The following MROH7 variants were observed in gnomAD, a reference collection of about 807,000 sequenced individuals.
MROH7 encodes the protein maestro heat like repeat family member 7.
MROH7 carries 113 observed loss-of-function variants against 129.2 expected under a neutral mutation model. The observed-to-expected ratio is 0.87, with a 90% CI of 0.75 to 1.02. The LOEUF (loss-of-function observed/expected upper bound fraction) is 1.02. Among genes scored for constraint, MROH7 ranks in the 50% least tolerant of loss-of-function variants. The pLI, the probability that MROH7 is intolerant of heterozygous loss-of-function variation, is 0.00. For synonymous variants in MROH7, 655 were observed against 667.9 expected, an observed-to-expected ratio of 0.98 and a Z score of 0.30; for missense variants, 1,601 against 1,671.3, an observed-to-expected ratio of 0.96 and a Z score of 0.73.
intron 17 of MROH7, chr1:54,695,784 C>G (rs1245449362): frequency 4.8e-6 from 2 of 417,480 alleles, no homozygotes; most frequent in Non-Finnish European, 9.1e-6. Flanking sequence ...TTGACTCTAC[C>G]CTGCCCTCAA....
At chr1:54,673,388 C>T (rs1644932377) in intron 8 of MROH7, among the ~76,000 whole-genome samples, 1 of 151,948 alleles carries the variant, frequency 6.6e-6, no homozygotes, top group African/African-American at 2.4e-5. Context: ...TCCCCCCACT[C>T]TCTAAATGGC....
At chr1:54,665,294 C>A in intron 4 of MROH7, 54 bp downstream of exon 4, 1 of 1,426,432 alleles carries the variant, frequency 7.0e-7, no homozygotes, top group Non-Finnish European at 9.9e-7. Context: ...TCCATCCTGC[C>A]AACCCCCTAC....
chr1:54,655,402 ACT>A (rs1346078116), intron 3 of MROH7, among the ~76,000 whole-genome samples: 7 of 151,604 alleles, frequency 4.6e-5, no homozygotes, highest in African/African-American at 1.7e-4. Context: ...CAAAAGTCTC[ACT>A]CTGTTGCCCA....
chr1:54,674,081 T>C lies in MROH7; in HGVS notation c.1866T>C (p.Pro622=), dbSNP rs1367477926. The change falls in exon 10 of 24, where the codon CCT becomes CCC. Residue 622 remains proline (P), a synonymous_variant. Transcript: ENST00000421030. ...GACTCATCCTTCACATTGGGGATCC[T>C]GATGAGGAGATTGGCTGTGAGGCTC... ...LGRLILHIGD[P]DEEIGCEALD... The C allele has an allele frequency of 3.1e-6, 5 of 1,614,070 alleles. No individual in the cohort carries two copies. The highest frequency in any genetic ancestry group is 1.7e-5 in the Admixed American group (1 of 60,016).
intron 17 of MROH7, chr1:54,699,948 G>A: frequency 1.7e-6 from 1 of 597,636 alleles, no homozygotes; most frequent in Non-Finnish European, 3.0e-6. Flanking sequence ...AGGGCATTTT[G>A]CCAGCACAGA....
intron 1 of MROH7, among the ~76,000 whole-genome samples, chr1:54,648,548 T>A (rs542305324): frequency 6.6e-6 from 1 of 151,764 alleles, no homozygotes; most frequent in South Asian, 2.1e-4. Flanking sequence ...TGTATTTTAG[T>A]AAAGACAGGA....
chr1:54,699,942 C>T (rs1330268268), intron 17 of MROH7: 3 of 593,916 alleles, frequency 5.1e-6, no homozygotes, highest in African/African-American at 3.7e-5. Flanking sequence ...AGGAGAAGGG[C>T]ATTTTGCCAG....
At chr1:54,700,535 A>G in intron 18 of MROH7, 74 bp downstream of exon 18, 1 of 1,443,502 alleles carries the variant, frequency 6.9e-7, no homozygotes, top group Non-Finnish European at 9.3e-7. Context: ...TCACCATTAT[A>G]GTACCTCAGA....
rs1645256384 is a variant in MROH7 at position 54,692,546 on chromosome 1, T to C, written c.2834T>C (p.Val945Ala). The C allele has an allele frequency of 2.6e-6, 4 of 1,530,798 alleles. No individual in the cohort carries two copies. Among genetic ancestry groups the C allele is most frequent in the Non-Finnish European group, 3.5e-6 (4 of 1,128,834 alleles). The allele number at this position is 1,530,798 out of a possible 1,614,324, so 94.8% of individuals were successfully genotyped here. A position where few individuals can be genotyped will look rare whatever the true frequency, so the allele number is the denominator to read the frequency against. Residue 945 changes from valine to alanine, a missense_variant, in exon 16 of 24, where the codon GTG becomes GCG. Coordinates refer to ENST00000421030, the MANE Select transcript of MROH7 (RefSeq NM_001039464.4). Reference protein sequence around the residue: ...MEQVESHHRGVALLARAMVQY... With the variant: ...MEQVESHHRGAALLARAMVQY... ...CAGGTGGAGAGCCACCACCGCGGAG[T>C]GGCCTTGCTGGCAAGGTGAGTCCCG...
intron 18 of MROH7, among the ~76,000 whole-genome samples, chr1:54,700,821 A>T (rs1002483934): frequency 6.6e-6 from 1 of 152,198 alleles, no homozygotes; most frequent in African/African-American, 2.4e-5. Context: ...GTTGCAGCTC[A>T]TGATGTAGCT....
At chr1:54,642,236 C>T (rs938782647) in intron 1 of MROH7, among the ~76,000 whole-genome samples, 1 of 152,152 alleles carries the variant, frequency 6.6e-6, no homozygotes, top group Admixed American at 6.5e-5. Context: ...TGCTGTGGGC[C>T]AGGCCCTGCG....
chr1:54,642,702 A>G (rs1164470721), intron 1 of MROH7, among the ~76,000 whole-genome samples: 1 of 151,854 alleles, frequency 6.6e-6, no homozygotes, highest in Non-Finnish European at 1.5e-5. Context: ...TGCAGCCTCA[A>G]CCTCCCCGGC....
At chr1:54,666,620 T>C (rs201604811) in intron 4 of MROH7, among the ~76,000 whole-genome samples, 3 of 145,946 alleles carry the variant, frequency 2.1e-5, no homozygotes, top group Non-Finnish European at 4.5e-5. Context: ...TTTTTTTTAA[T>C]TTTTTGCCTA....
At chr1:54,646,162 C>T (rs1456548626) in intron 1 of MROH7, among the ~76,000 whole-genome samples, 1 of 152,102 alleles carries the variant, frequency 6.6e-6, no homozygotes, top group African/African-American at 2.4e-5. Context: ...GTGGGGGAGG[C>T]CAGAAGATGT....
chr1:54,659,612 C>A (rs1644702187), intron 3 of MROH7, among the ~76,000 whole-genome samples: 2 of 152,170 alleles, frequency 1.3e-5, no homozygotes, highest in Admixed American at 1.3e-4. Flanking sequence ...AGCCACCATG[C>A]CTGGCTAATT....
chr1:54,680,110 T>C, intron 13 of MROH7, 65 bp downstream of exon 13: 1 of 1,519,634 alleles, frequency 6.6e-7, no homozygotes, highest in Non-Finnish European at 9.1e-7. Context: ...CACCCCAGGT[T>C]GGGGACCCCC....
At chr1:54,666,460 G>C (rs1187513197) in intron 4 of MROH7, among the ~76,000 whole-genome samples, 1 of 137,412 alleles carries the variant, frequency 7.3e-6, no homozygotes, top group Non-Finnish European at 1.5e-5. Context: ...TTTGAGGCAG[G>C]GTCTCGCTCT....
intron 1 of MROH7, among the ~76,000 whole-genome samples, chr1:54,647,156 A>G (rs1389299919): frequency 6.6e-6 from 1 of 151,940 alleles, no homozygotes; most frequent in Non-Finnish European, 1.5e-5. Flanking sequence ...ATTTATCTAT[A>G]TTTTTCTTTT....
At chr1:54,695,776 G>C (rs943898069) in intron 17 of MROH7, 78 of 438,354 alleles carry the variant, frequency 1.8e-4, no homozygotes, top group African/African-American at 1.4e-3. Flanking sequence ...ATGTGAATTT[G>C]ACTCTACCCT....
Sources: gnomAD v4.1 joint callset for allele counts (sites outside exome capture counted in the v4.1 genomes callset) on GRCh38, gnomAD v4.1.1 for gene constraint, MANE v1.5 for transcripts, NCBI Gene and HGNC (gene_info 2026-07-23, HGNC 2026-07-21) for gene names.